Variants in LAMB4 observed in about 807,000 individuals in gnomAD.
The protein encoded by LAMB4 is laminin subunit beta 4, also known as laminin subunit beta-4.
In LAMB4, 196 loss-of-function variants were observed where a neutral mutation model predicts 199.2. The observed-to-expected ratio is 0.98, with a 90% CI of 0.88 to 1.11. The LOEUF (loss-of-function observed/expected upper bound fraction) is 1.11. Among genes scored for constraint, LAMB4 ranks in the 50% least tolerant of loss-of-function variants. The probability of loss-of-function intolerance (pLI) is 0.00; values close to 1 mark genes in which losing one functional copy is unlikely to be tolerated. For missense variants in LAMB4, 2,080 were observed against 2,171.2 expected, an observed-to-expected ratio of 0.96 and a Z score of 0.83; for synonymous variants, 744 against 770.6, an observed-to-expected ratio of 0.97 and a Z score of 0.57.
chr7:108,048,157 G>GTT, intron 27 of LAMB4, 46 bp from the exon 28 acceptor site: 3 of 649,468 alleles, frequency 4.6e-6, no homozygotes, highest in South Asian at 4.3e-5. Context: ...TGTTGTCAGA[G>GTT]CTTTTTTTTT....
At chr7:108,050,193 C>T (rs1393261875) in intron 26 of LAMB4, among the ~76,000 whole-genome samples, 2 of 152,188 alleles carry the variant, frequency 1.3e-5, no homozygotes, top group African/African-American at 2.4e-5. Flanking sequence ...CCTGATGCTG[C>T]GGTTTCCTGA....
chr7:108,020,806 C>T (rs370559734), downstream of LAMB4, among the ~76,000 whole-genome samples: 41 of 152,180 alleles, frequency 2.7e-4, no homozygotes, highest in African/African-American at 9.4e-4. Context: ...TGTTTTTACT[C>T]GATAATATAA....
intron 1 of LAMB4, 69 bp from the exon 2 acceptor site, chr7:108,123,266 A>G: frequency 1.1e-6 from 1 of 951,618 alleles, no homozygotes; most frequent in South Asian, 1.5e-5. Flanking sequence ...ATGTTATGTA[A>G]AAGTGCTTAG....
chr7:108,096,939 C>CAAAAAAA (rs746917278), intron 11 of LAMB4, among the ~76,000 whole-genome samples: 3 of 52,822 alleles, frequency 5.7e-5, no homozygotes, highest in Non-Finnish European at 9.8e-5. Context: ...CTGTCTCTCT[C>CAAAAAAA]AAAAAAAAAA....
intron 31 of LAMB4, among the ~76,000 whole-genome samples, chr7:108,032,041 C>T (rs1434752171): frequency 2.0e-5 from 3 of 151,960 alleles, no homozygotes; most frequent in African/African-American, 7.3e-5. Flanking sequence ...TGGTAATATC[C>T]TCTGTCTGTT....
intron 10 of LAMB4, among the ~76,000 whole-genome samples, chr7:108,101,590 G>C (rs568666614): frequency 6.6e-6 from 1 of 152,082 alleles, no homozygotes; most frequent in East Asian, 1.9e-4. Flanking sequence ...CTTGTTCGTC[G>C]GCAAGTAAAG....
In LAMB4 at chr7:108,046,220, C is replaced by T. The variant is rs2035616319; in HGVS notation, c.4326+1688G>A. ...AGTAGCTGGGATTACAGGCATGCAC[C>T]ACCACTCCTGGCTAAATTTTTTTTT... On this transcript the variant is annotated intron_variant, in intron 28 of 33. Transcript: ENST00000388781. Among the ~76,000 whole-genome samples, 4 of 150,694 alleles carry T rather than the reference C, an allele frequency of 2.7e-5. 1 individual carries two copies. The South Asian group carries it at 8.4e-4, about 32-fold the overall frequency.
At chr7:108,068,382 G>A (rs538303701) in intron 18 of LAMB4, among the ~76,000 whole-genome samples, 1 of 152,270 alleles carries the variant, frequency 6.6e-6, no homozygotes, top group East Asian at 1.9e-4. Flanking sequence ...GGTACATAGG[G>A]TGCTCAATAA....
chr7:108,045,479 C>G (rs1215170353), intron 28 of LAMB4, among the ~76,000 whole-genome samples: 1 of 152,204 alleles, frequency 6.6e-6, no homozygotes, highest in Non-Finnish European at 1.5e-5. Context: ...TCATCGTTTT[C>G]CAGTTCTCCA....
intron 10 of LAMB4, among the ~76,000 whole-genome samples, chr7:108,100,844 T>C (rs2037790709): frequency 2.0e-5 from 3 of 152,222 alleles, no homozygotes; most frequent in East Asian, 1.9e-4. Flanking sequence ...ACTTAGGAAA[T>C]TGCTCTAAAG....
chr7:108,062,603 T>C, intron 23 of LAMB4, 171 bp downstream of exon 23: 1 of 400,780 alleles, frequency 2.5e-6, no homozygotes, highest in Non-Finnish European at 4.4e-6. Context: ...CATTCTCTTT[T>C]TTTGGTTTTC....
chr7:108,128,975 T>C (rs2038889224), intron 1 of LAMB4, among the ~76,000 whole-genome samples: 5 of 152,256 alleles, frequency 3.3e-5, no homozygotes, highest in Admixed American at 2.6e-4. Context: ...TAATGAATGC[T>C]GCTAGATGAC....
intron 33 of LAMB4, among the ~76,000 whole-genome samples, chr7:108,025,664 G>A (rs1036440037): frequency 1.3e-5 from 2 of 152,082 alleles, no homozygotes; most frequent in Non-Finnish European, 2.9e-5. Context: ...CCAACCTCAG[G>A]TGATCTGCCC....
chr7:108,102,515 T>A (rs2037849517), intron 10 of LAMB4, among the ~76,000 whole-genome samples: 1 of 152,178 alleles, frequency 6.6e-6, no homozygotes. Context: ...TTAAAGAAAG[T>A]CCCAAGAGTG....
intron 14 of LAMB4, among the ~76,000 whole-genome samples, chr7:108,085,909 G>C (rs879794155): frequency 6.6e-6 from 1 of 152,138 alleles, no homozygotes; most frequent in African/African-American, 2.4e-5. Context: ...CACTGCGCCC[G>C]GCCCTGCATT....
Position 108,048,077 on chromosome 7 carries a change from GGCACACATGGCACATTTCCTGGATCTCC to G in LAMB4, c.4129_4156del (p.Gly1377ProfsTer27), listed in dbSNP as rs781198112. ...GCAGAGAGCACCGCCACAGGGCAAG[GGCACACATGGCACATTTCCTGGATCTCC>G]GCACACCTTGCAAGAGAAATGATTT... On this transcript the variant is annotated frameshift_variant, in exon 28 of 34. Transcript: ENST00000388781. LOFTEE classifies it high-confidence loss of function. 29 of 1,613,878 alleles carry G rather than the reference GGCACACATGGCACATTTCCTGGATCTCC, an allele frequency of 1.8e-5. No homozygotes were observed. In the East Asian group the frequency reaches 6.2e-4, roughly 35 times the overall value.
At chr7:108,104,220 T>C (rs933729117) in intron 9 of LAMB4, among the ~76,000 whole-genome samples, 1 of 152,340 alleles carries the variant, frequency 6.6e-6, no homozygotes, top group African/African-American at 2.4e-5. Context: ...CCCACTGATA[T>C]TGCCATTAAA....
chr7:108,061,612 G>A (rs750062311), intron 23 of LAMB4, among the ~76,000 whole-genome samples: 7 of 151,810 alleles, frequency 4.6e-5, no homozygotes, highest in South Asian at 2.1e-4. Flanking sequence ...GGTGGTGGGC[G>A]CCTGTAATCC....
downstream of LAMB4, among the ~76,000 whole-genome samples, chr7:108,021,067 T>C (rs965817470): frequency 1.3e-5 from 2 of 152,216 alleles, no homozygotes; most frequent in Admixed American, 1.3e-4. Context: ...AGACAAAGTC[T>C]ACATCCTCAA....
Sources: allele counts gnomAD v4.1 joint callset (sites outside exome capture counted in the v4.1 genomes callset), GRCh38; gene constraint gnomAD v4.1.1; transcripts MANE v1.5; gene names NCBI Gene and HGNC (gene_info 2026-07-23, HGNC 2026-07-21).